LGSN: variants seen among roughly 807,000 people sequenced by gnomAD.
LGSN encodes the protein lengsin, lens protein with glutamine synthetase domain.
In LGSN, 21 loss-of-function variants were observed where a neutral mutation model predicts 19.5. That is an observed-to-expected ratio of 1.07 (90% CI 0.76 to 1.55). The LOEUF (loss-of-function observed/expected upper bound fraction) is 1.55, where lower values mean the gene tolerates loss of function less well. Among genes scored for constraint, LGSN ranks in the 40% most tolerant of loss-of-function variants. The probability of loss-of-function intolerance (pLI) is 0.00; values close to 1 mark genes in which losing one functional copy is unlikely to be tolerated. For missense variants in LGSN, 673 were observed against 608.5 expected (o/e 1.11, Z -1.12); for synonymous variants, 257 against 215.6 (o/e 1.19, Z -1.68).
At chr6:63,572,315 A>G in the LGSN span, 1 of 225,962 alleles carries the variant, frequency 4.4e-6, no homozygotes, top group Admixed American at 5.8e-5. Context: ...TTAGCCATTC[A>G]TCAACCGGTT....
At chr6:63,386,214 C>G in the LGSN span, among the ~76,000 whole-genome samples, 1 of 151,970 alleles carries the variant, frequency 6.6e-6, no homozygotes, top group Non-Finnish European at 1.5e-5. Flanking sequence ...AGAGAGGGAC[C>G]CCTTTGTGAA....
chr6:63,432,157 GAAAGAAAGAAAGAAAAGGAAA>G, the LGSN span, among the ~76,000 whole-genome samples: 3 of 97,856 alleles, frequency 3.1e-5, no homozygotes, highest in Non-Finnish European at 6.1e-5. Flanking sequence ...AAGAAAGAAA[GAAAGAAAGAAAGAAAAGGAAA>G]GAAAGAAAAG....
the LGSN span, among the ~76,000 whole-genome samples, chr6:63,368,209 G>T: frequency 6.6e-6 from 1 of 152,120 alleles, no homozygotes; most frequent in Non-Finnish European, 1.5e-5. Flanking sequence ...CCTGCTCAGA[G>T]ACTAAAGTGC....
chr6:63,458,512 A>G, the LGSN span, among the ~76,000 whole-genome samples: 1 of 152,190 alleles, frequency 6.6e-6, no homozygotes, highest in Non-Finnish European at 1.5e-5. Context: ...AACAAAGGGT[A>G]AACAGTAATT....
At chr6:63,387,278 A>G in the LGSN span, among the ~76,000 whole-genome samples, 1 of 152,262 alleles carries the variant, frequency 6.6e-6, no homozygotes, top group South Asian at 2.1e-4. Context: ...TCAACCAACC[A>G]TAGATCAAAA....
the LGSN span, among the ~76,000 whole-genome samples, chr6:63,464,549 G>A: frequency 1.4e-4 from 21 of 149,118 alleles, no homozygotes; most frequent in Non-Finnish European, 2.2e-4. Context: ...ATATATATAT[G>A]TATATAATGT....
the LGSN span, among the ~76,000 whole-genome samples, chr6:63,475,100 C>T: frequency 6.6e-6 from 1 of 151,934 alleles, no homozygotes; most frequent in South Asian, 2.1e-4. Flanking sequence ...TCTATAAGGA[C>T]AAAACAAGTG....
At chr6:63,322,217 T>G (rs1483717940), upstream of LGSN, among the ~76,000 whole-genome samples, 2 of 152,180 alleles carry the variant, frequency 1.3e-5, no homozygotes, top group Non-Finnish European at 2.9e-5. Context: ...GAAATCACAA[T>G]GAATCTGTTT....
At chr6:63,532,372 C>T in the LGSN span, among the ~76,000 whole-genome samples, 2 of 152,136 alleles carry the variant, frequency 1.3e-5, no homozygotes, top group Non-Finnish European at 2.9e-5. Context: ...TCATACCTCT[C>T]AAATCTTGAA....
the LGSN span, among the ~76,000 whole-genome samples, chr6:63,496,915 T>G: frequency 6.6e-6 from 1 of 152,126 alleles, no homozygotes; most frequent in South Asian, 2.1e-4. Context: ...GATCCAAAGA[T>G]AGTCTGAGCA....
chr6:63,365,562 A>C, the LGSN span, among the ~76,000 whole-genome samples: 1 of 152,196 alleles, frequency 6.6e-6, no homozygotes, highest in Non-Finnish European at 1.5e-5. Context: ...ATAGAAAAAG[A>C]TGGAATCCTC....
the LGSN span, among the ~76,000 whole-genome samples, chr6:63,414,871 T>C: frequency 6.6e-6 from 1 of 151,530 alleles, no homozygotes; most frequent in Non-Finnish European, 1.5e-5. Flanking sequence ...GCCAAGGTTA[T>C]GCCACTACAC....
chr6:63,454,344 T>C, the LGSN span, among the ~76,000 whole-genome samples: 69,921 of 151,928 alleles, frequency 0.46, 17,908 homozygotes, highest in Non-Finnish European at 0.56. Flanking sequence ...TCTATGGACA[T>C]CAATATTAAA....
At chr6:63,519,328 G>A in the LGSN span, among the ~76,000 whole-genome samples, 1 of 151,874 alleles carries the variant, frequency 6.6e-6, no homozygotes, top group Non-Finnish European at 1.5e-5. Context: ...AGACTACAAA[G>A]GTGCATATCA....
chr6:63,557,526 A>G, the LGSN span, among the ~76,000 whole-genome samples: 1 of 152,134 alleles, frequency 6.6e-6, no homozygotes, highest in Non-Finnish European at 1.5e-5. Flanking sequence ...AGATCGCACC[A>G]CTACACTCCA....
At position 63,303,135 on chromosome 6, in the gene LGSN, G is replaced by A. The variant is rs59386094; in HGVS notation, c.31-8090C>T. ...ACTGGTGTCATGACTATTCTAAGTTGCCAAAGTGGTTTATTTTGCTTTGTC... is the reference window on the plus strand; with the variant it reads ...ACTGGTGTCATGACTATTCTAAGTTACCAAAGTGGTTTATTTTGCTTTGTC... On this transcript the variant is annotated intron_variant, in intron 1 of 3. Transcript: ENST00000370657. 2.9e-3 allele frequency among the ~76,000 whole-genome samples: 444 copies of A among 152,194 alleles called. 3 individuals are homozygous for A. The highest frequency in any genetic ancestry group is 0.01 in the African/African-American group (420 of 41,524).
At chr6:63,285,302 T>C (rs1221238270) in intron 3 of LGSN, among the ~76,000 whole-genome samples, 1 of 152,180 alleles carries the variant, frequency 6.6e-6, no homozygotes, top group Non-Finnish European at 1.5e-5. Context: ...GAAAAAATAA[T>C]TCTGTAGAGC....
upstream of LGSN, among the ~76,000 whole-genome samples, chr6:63,323,965 G>A (rs1467260155): frequency 6.6e-6 from 1 of 151,736 alleles, no homozygotes; most frequent in Non-Finnish European, 1.5e-5. Flanking sequence ...TAGAGACAGG[G>A]TTTCGCCATG....
At position 63,285,740 on chromosome 6, in the gene LGSN, G is replaced by A. The variant is rs1562006018; in HGVS notation, c.177C>T (p.Asp59=). 1.2e-6 allele frequency: 2 copies of A among 1,613,912 alleles called. No homozygotes were observed. The highest frequency in any genetic ancestry group is 1.7e-5 in the Admixed American group (1 of 60,016). Residue 59 remains aspartate (D), a synonymous_variant, in exon 3 of 4, where the codon GAC becomes GAT. Coordinates refer to ENST00000370657, the MANE Select transcript of LGSN (RefSeq NM_016571.3). ...GAGGTGGGGTCAAAATTTGACTGCT[G>A]TCCCTCATGCAATCTGCAAAATAAA... is the stretch of plus-strand genomic sequence containing the variant. The part of the protein sequence containing the change: ...DMSNSNDCMR[D]SSQILTPPQL...
Sources: allele counts gnomAD v4.1 joint callset (sites outside exome capture counted in the v4.1 genomes callset), GRCh38; gene constraint gnomAD v4.1.1; transcripts MANE v1.5; gene names NCBI Gene and HGNC (gene_info 2026-07-23, HGNC 2026-07-21).